The following DGKI variants were observed in gnomAD, a reference collection of about 807,000 sequenced individuals.
The protein encoded by DGKI is DAG kinase iota.
A neutral mutation model predicts 147.5 loss-of-function variants in DGKI; 55 were observed. That is an observed-to-expected ratio of 0.37 (90% confidence interval 0.30 to 0.47). The LOEUF is 0.47. DGKI is among the 20% of genes least tolerant of loss of function. DGKI has a pLI of 1.00. For missense variants in DGKI, 1,007 were observed against 1,323.8 expected (o/e 0.76, Z 3.71); for synonymous variants, 469 against 477.1 (o/e 0.98, Z 0.22).
chr7:137,555,843 T>G (rs1422051136), intron 19 of DGKI, among the ~76,000 whole-genome samples: 1 of 152,202 alleles, frequency 6.6e-6, no homozygotes, highest in East Asian at 1.9e-4. Flanking sequence ...AGACAGTGTC[T>G]ATTTAGTACA....
chr7:137,672,880 A>G (rs1822901573), intron 3 of DGKI, among the ~76,000 whole-genome samples: 1 of 145,974 alleles, frequency 6.9e-6, no homozygotes. Flanking sequence ...TCCTGGGTTC[A>G]AGCGATTCTC....
chr7:137,638,835 TAATTTA>T (rs1238329001), intron 6 of DGKI, among the ~76,000 whole-genome samples: 1 of 151,560 alleles, frequency 6.6e-6, no homozygotes, highest in Non-Finnish European at 1.5e-5. Context: ...TATGCCTTAT[TAATTTA>T]AAAGGCAGAG....
At chr7:137,714,395 C>G (rs560410485) in intron 1 of DGKI, among the ~76,000 whole-genome samples, 1 of 152,146 alleles carries the variant, frequency 6.6e-6, no homozygotes, top group African/African-American at 2.4e-5. Flanking sequence ...GAGTGCCCAT[C>G]ATTGCTACTT....
intron 6 of DGKI, among the ~76,000 whole-genome samples, chr7:137,639,698 CA>C (rs909612410): frequency 6.6e-6 from 1 of 152,074 alleles, no homozygotes; most frequent in African/African-American, 2.4e-5. Flanking sequence ...CCAGGGTGAC[CA>C]GGGCACTGTA....
intron 1 of DGKI, among the ~76,000 whole-genome samples, chr7:137,801,964 TG>T (rs1797225992): frequency 6.6e-6 from 1 of 152,096 alleles, no homozygotes; most frequent in African/African-American, 2.4e-5. Context: ...GCAGCACAAT[TG>T]GCAATTGCAA....
chr7:137,579,962 G>T (rs1290710318), intron 15 of DGKI, among the ~76,000 whole-genome samples: 1 of 152,024 alleles, frequency 6.6e-6, no homozygotes, highest in African/African-American at 2.4e-5. Context: ...TCTAAGCCTG[G>T]TCTTCCCATG....
intron 20 of DGKI, among the ~76,000 whole-genome samples, chr7:137,533,199 G>C (rs1817402220): frequency 6.6e-6 from 1 of 152,020 alleles, no homozygotes; most frequent in Non-Finnish European, 1.5e-5. Context: ...TGAGGCGGGA[G>C]GATCACTTGA....
intron 1 of DGKI, among the ~76,000 whole-genome samples, chr7:137,827,171 A>G (rs1026529827): frequency 2.6e-5 from 4 of 152,154 alleles, no homozygotes; most frequent in Non-Finnish European, 2.9e-5. Flanking sequence ...AATGACTTGC[A>G]GCTATAACAG....
At chr7:137,514,758 T>G (rs565987473) in intron 21 of DGKI, among the ~76,000 whole-genome samples, 1 of 152,310 alleles carries the variant, frequency 6.6e-6, no homozygotes, top group South Asian at 2.1e-4. Context: ...ACTGATTCTC[T>G]CCAACTCTAC....
chr7:137,651,773 G>T (rs1170408238), intron 5 of DGKI, among the ~76,000 whole-genome samples: 3 of 152,170 alleles, frequency 2.0e-5, no homozygotes, highest in Admixed American at 1.3e-4. Flanking sequence ...GATGAAACAA[G>T]AAGAAAATTA....
chr7:137,576,854 T>C (rs1818998496), intron 17 of DGKI, among the ~76,000 whole-genome samples: 1 of 152,206 alleles, frequency 6.6e-6, no homozygotes, highest in Non-Finnish European at 1.5e-5. Flanking sequence ...CCAGCTAACA[T>C]CATTTTTTTT....
chr7:137,699,348 A>G (rs1403121025), intron 1 of DGKI, among the ~76,000 whole-genome samples: 1 of 152,172 alleles, frequency 6.6e-6, no homozygotes, highest in Non-Finnish European at 1.5e-5. Flanking sequence ...TGGGGTAAAT[A>G]AAGAGCATGT....
chr7:137,482,564 C>T (rs1815409571), intron 23 of DGKI, among the ~76,000 whole-genome samples: 1 of 151,938 alleles, frequency 6.6e-6, no homozygotes, highest in Non-Finnish European at 1.5e-5. Context: ...TTGGATCTAA[C>T]AGGCATATCA....
At chr7:137,578,214 A>T in intron 16 of DGKI, 56 bp downstream of exon 16, 2 of 1,255,382 alleles carry the variant, frequency 1.6e-6, no homozygotes, top group Non-Finnish European at 1.2e-6. Flanking sequence ...TTTATGATAC[A>T]CAGTGAATTG....
rs183906195 is a variant in DGKI at position 137,766,430 on chromosome 7, T to C, written c.402-76428A>G. 3.1e-4 allele frequency among the ~76,000 whole-genome samples: 47 copies of C among 152,288 alleles called. No homozygotes were observed. The East Asian group carries it at 8.9e-3, about 29-fold the overall frequency. ...AGAGAAATGGAGAGGTAGAAATAAA[T>C]GTTAACAGTCTTCTGGAAGATGGAA... On this transcript the variant is annotated intron_variant, in intron 1 of 32. Transcript: ENST00000614521.
intron 20 of DGKI, among the ~76,000 whole-genome samples, chr7:137,528,186 C>A (rs1817218548): frequency 6.6e-6 from 1 of 152,158 alleles, no homozygotes; most frequent in Non-Finnish European, 1.5e-5. Context: ...AAAGTCATAA[C>A]TGATTTGGTC....
At chr7:137,459,226 G>C (rs1361740213) in intron 27 of DGKI, among the ~76,000 whole-genome samples, 2 of 152,048 alleles carry the variant, frequency 1.3e-5, no homozygotes, top group Non-Finnish European at 2.9e-5. Flanking sequence ...GAGGTTGATG[G>C]ATCTAAGGGA....
At chr7:137,695,285 G>A (rs956987543) in intron 1 of DGKI, among the ~76,000 whole-genome samples, 2 of 152,110 alleles carry the variant, frequency 1.3e-5, no homozygotes, top group Non-Finnish European at 2.9e-5. Flanking sequence ...CTAAGCCCAG[G>A]CCTTTACATA....
chr7:137,481,470 G>A (rs941074480), intron 23 of DGKI, among the ~76,000 whole-genome samples: 1 of 152,086 alleles, frequency 6.6e-6, no homozygotes, highest in Admixed American at 6.6e-5. Flanking sequence ...CATTTTGCTT[G>A]TAAAACATAT....
Sources: gnomAD v4.1 joint callset for allele counts (sites outside exome capture counted in the v4.1 genomes callset) on GRCh38, gnomAD v4.1.1 for gene constraint, MANE v1.5 for transcripts, NCBI Gene and HGNC (gene_info 2026-07-23, HGNC 2026-07-21) for gene names.